CCDC39: variants seen among roughly 807,000 people sequenced by gnomAD.
CCDC39 encodes the protein coiled-coil domain 39 molecular ruler complex subunit, also known as coiled-coil domain-containing protein 39.
CCDC39 carries 113 observed loss-of-function variants against 121.0 expected under a neutral mutation model. The ratio of observed to expected loss-of-function variants is 0.93; its 90% CI spans 0.80 to 1.09. The LOEUF (loss-of-function observed/expected upper bound fraction) is 1.09. Among genes scored for constraint, CCDC39 ranks in the 50% least tolerant of loss-of-function variants. The pLI, the probability that CCDC39 is intolerant of heterozygous loss-of-function variation, is 0.00. For missense variants in CCDC39, 1,063 were observed against 1,074.7 expected, an observed-to-expected ratio of 0.99 and a Z score of 0.15; for synonymous variants, 349 against 352.2, an observed-to-expected ratio of 0.99 and a Z score of 0.10.
intron 13 of CCDC39, among the ~76,000 whole-genome samples, chr3:180,636,831 T>C (rs1038752940): frequency 1.4e-5 from 2 of 147,414 alleles, no homozygotes; most frequent in Non-Finnish European, 3.0e-5. Flanking sequence ...CAGTGGGGAA[T>C]GGACTCGCTA....
Position 180,671,029 on chromosome 3 carries a change from T to C in CCDC39, c.91-7043A>G, listed in dbSNP as rs1287682415. ...GAGTTCAAGACCAGCCTGTCCCACA[T>C]GGCAAAACCCTGTGTCTACTAAAAA... On this transcript the variant is annotated intron_variant, in intron 1 of 19. Transcript: ENST00000476379. Among the ~76,000 whole-genome samples, 4 of 151,912 alleles carry C rather than the reference T, an allele frequency of 2.6e-5. No homozygotes were observed. The East Asian group carries it at 7.7e-4, about 29-fold the overall frequency.
chr3:180,676,803 A>T (rs1260501971), intron 1 of CCDC39, among the ~76,000 whole-genome samples: 1 of 152,150 alleles, frequency 6.6e-6, no homozygotes, highest in Admixed American at 6.5e-5. Flanking sequence ...ATGGAATACT[A>T]TGCAGCCATA....
intron 7 of CCDC39, 138 bp downstream of exon 7, chr3:180,654,624 T>TAAA (rs75857130): frequency 3.1e-5 from 10 of 317,494 alleles, no homozygotes; most frequent in Non-Finnish European, 4.9e-5. Flanking sequence ...AAAGAGACAT[T>TAAA]AAAAAAAAAA....
chr3:180,638,772 A>G (rs1315071172), intron 13 of CCDC39, among the ~76,000 whole-genome samples: 2 of 152,078 alleles, frequency 1.3e-5, no homozygotes, highest in African/African-American at 2.4e-5. Context: ...ATCTAAGAAT[A>G]ACCAACAAAA....
Position 180,642,098 on chromosome 3 carries a change from T to G in CCDC39, c.1769A>C (p.Gln590Pro), listed in dbSNP as rs1365362975. ...CTCTTCCATTGCTGTGTATAATTGC[T>G]GTTTTCTTTTTTCTAGGGAAAGAAC... ...EEVLSLEKRKQQLYTAMEERT... is the reference protein window; with the variant it reads ...EEVLSLEKRKPQLYTAMEERT... Residue 590 changes from glutamine (Q) to proline (P), a missense_variant, in exon 13 of 20, where the codon CAG becomes CCG. Gln to Pro is a moderately conservative substitution (Grantham distance 76). Transcript: ENST00000476379. The G allele has an allele frequency of 1.2e-6, 2 of 1,613,212 alleles. No homozygotes were observed. Among genetic ancestry groups the G allele is most frequent in the Non-Finnish European group, 1.7e-6 (2 of 1,179,254 alleles).
intron 2 of CCDC39, among the ~76,000 whole-genome samples, chr3:180,663,588 T>A (rs1218912551): frequency 6.6e-6 from 1 of 151,458 alleles, no homozygotes; most frequent in Non-Finnish European, 1.5e-5. Context: ...GAGAATCTTT[T>A]GAACCCAGGA....
intron 13 of CCDC39, among the ~76,000 whole-genome samples, chr3:180,636,893 C>T (rs1325932103): frequency 6.6e-6 from 1 of 152,166 alleles, no homozygotes; most frequent in Non-Finnish European, 1.5e-5. Flanking sequence ...AAGATTGAAA[C>T]TGGACCCCTT....
chr3:180,628,283 T>A (rs1253915086), intron 14 of CCDC39, among the ~76,000 whole-genome samples: 4 of 152,158 alleles, frequency 2.6e-5, no homozygotes, highest in Admixed American at 1.3e-4. Context: ...CAATCTTGGC[T>A]CACTGCAAGC....
At chr3:180,650,730 G>C (rs185030765) in intron 9 of CCDC39, among the ~76,000 whole-genome samples, 25 of 149,878 alleles carry the variant, frequency 1.7e-4, no homozygotes, top group African/African-American at 5.4e-4. Flanking sequence ...GGTGGCACGC[G>C]CCTGTAATCC....
At chr3:180,651,248 A>G (rs1718200884) in intron 9 of CCDC39, among the ~76,000 whole-genome samples, 153 bp downstream of exon 9, 1 of 152,134 alleles carries the variant, frequency 6.6e-6, no homozygotes, top group Non-Finnish European at 1.5e-5. Context: ...GAAGCAATGC[A>G]TGAGAAGAGG....
At chr3:180,673,156 A>C (rs1006525196) in intron 1 of CCDC39, among the ~76,000 whole-genome samples, 8 of 152,242 alleles carry the variant, frequency 5.3e-5, no homozygotes, top group Admixed American at 4.6e-4. Flanking sequence ...GATGCTGTGA[A>C]CATTGTTGAA....
chr3:180,676,310 C>CA (rs1712204002), intron 1 of CCDC39, among the ~76,000 whole-genome samples: 1 of 151,942 alleles, frequency 6.6e-6, no homozygotes, highest in Non-Finnish European at 1.5e-5. Flanking sequence ...GAAAAACAAA[C>CA]AACCCCATCA....
intron 13 of CCDC39, among the ~76,000 whole-genome samples, chr3:180,637,179 C>T (rs929998308): frequency 2.0e-5 from 3 of 152,072 alleles, no homozygotes; most frequent in African/African-American, 7.2e-5. Context: ...GCAAACTCTG[C>T]ATCTGATAAA....
At chr3:180,616,392 G>A (rs772684699) in intron 18 of CCDC39, 29 bp from the exon 19 acceptor site, 1 of 1,572,084 alleles carries the variant, frequency 6.4e-7, no homozygotes. Context: ...GCAATCATTA[G>A]TACTACCTAC....
Position 180,619,934 on chromosome 3 carries a change from C to T in CCDC39, c.2035G>A (p.Asp679Asn). 1 of 1,609,000 alleles carries T rather than the reference C, an allele frequency of 6.2e-7. No individual in the cohort carries two copies. The highest frequency in any genetic ancestry group is 1.1e-5 in the South Asian group (1 of 90,440). The stretch of plus-strand genomic sequence containing the variant: ...TTGTTGATCTTGGCATCCAAACAGT[C>T]ACCTTCCCTTTGAAGTTCTTCTTTT... ...QEKEELQREG[D>N]CLDAKINKAE... The change falls in exon 15 of 20, where the codon GAC becomes AAC. Residue 679 changes from aspartate (D) to asparagine (N), a missense_variant. Physicochemically the swap from Asp to Asn is conservative, Grantham distance 23. Coordinates refer to ENST00000476379, the MANE Select transcript of CCDC39 (RefSeq NM_181426.2).
chr3:180,647,928 G>A (rs532140944), intron 10 of CCDC39, among the ~76,000 whole-genome samples: 44 of 151,938 alleles, frequency 2.9e-4, no homozygotes, highest in African/African-American at 9.7e-4. Context: ...TTTAAAACAC[G>A]GTTCTCCCTC....
rs1313856358 is a variant in CCDC39 at position 180,616,521 on chromosome 3, G to C, written c.2581C>G (p.Gln861Glu). The C allele has an allele frequency of 1.3e-6, 2 of 1,546,884 alleles. No individual in the cohort carries two copies. The highest frequency in any genetic ancestry group is 2.3e-5 in the East Asian group (1 of 44,212). Residue 861 changes from glutamine to glutamate, a missense_variant, in exon 18 of 20, where the codon CAA becomes GAA. By Grantham distance (29) the Gln-to-Glu change is conservative (BLOSUM62 2). Transcript: ENST00000476379. Reference protein sequence around the residue: ...EIRIILQTYFQQSGLELPTAS... With the variant: ...EIRIILQTYFEQSGLELPTAS... ...AATAGAAGGTGCTGTATTACCTGTT[G>C]AAAGTATGTTTGAAGGATAATACGG...
At chr3:180,629,634 T>A (rs928821511) in intron 14 of CCDC39, among the ~76,000 whole-genome samples, 1 of 152,232 alleles carries the variant, frequency 6.6e-6, no homozygotes, top group Admixed American at 6.5e-5. Context: ...ATTATTTAAG[T>A]TTCATTTTTA....
chr3:180,617,262 C>T (rs1717280502), intron 16 of CCDC39: 3 of 467,664 alleles, frequency 6.4e-6, no homozygotes, highest in Middle Eastern at 1.1e-3. Flanking sequence ...CCTGCATTGC[C>T]AGTCATATAA....
Sources: gnomAD v4.1 joint callset for allele counts (sites outside exome capture counted in the v4.1 genomes callset) on GRCh38, gnomAD v4.1.1 for gene constraint, MANE v1.5 for transcripts, NCBI Gene and HGNC (gene_info 2026-07-23, HGNC 2026-07-21) for gene names.